The following SGK1 variants were observed in gnomAD, a reference collection of about 807,000 sequenced individuals.
SGK1 encodes serine/threonine-protein kinase Sgk1.
Under a neutral mutation model 64.2 loss-of-function variants are expected in SGK1, and 26 were observed. The observed-to-expected ratio is 0.40, with a 90% CI of 0.30 to 0.56. SGK1 has a LOEUF of 0.56. SGK1 is among the 20% of genes least tolerant of loss of function. The probability of loss-of-function intolerance (pLI) is 0.38; values close to 1 mark genes in which losing one functional copy is unlikely to be tolerated. For missense variants in SGK1, 519 were observed against 645.6 expected, an observed-to-expected ratio of 0.80 and a Z score of 2.12; for synonymous variants, 265 against 239.7, an observed-to-expected ratio of 1.11 and a Z score of -0.98.
rs145673064 is a variant in SGK1 at position 134,204,260 on chromosome 6, A to T, written c.361+3096T>A. Among the ~76,000 whole-genome samples the T allele has an allele frequency of 2.3e-3, 329 of 144,742 alleles. 4 individuals carry two copies. The highest frequency in any genetic ancestry group is 8.7e-3 in the African/African-American group (315 of 36,072). 95.0% of individuals were successfully genotyped at this position (144,742 alleles called of 152,430 possible). A position where few individuals can be genotyped will look rare whatever the true frequency, so the allele number is the denominator to read the frequency against. The stretch of plus-strand genomic sequence containing the variant: ...AATAAATAAATAAATAAATAAATAA[A>T]TAAATAATTACTCTAGACATAGATC... On this transcript the variant is annotated intron_variant, in intron 3 of 13. Transcript: ENST00000367858.
chr6:134,179,243 A>G (rs1775295807), intron 3 of SGK1, among the ~76,000 whole-genome samples: 1 of 152,156 alleles, frequency 6.6e-6, no homozygotes, highest in Non-Finnish European at 1.5e-5. Flanking sequence ...TCCATTGATA[A>G]CAAGGCAATA....
chr6:134,300,710 A>G (rs1248296132), intron 1 of SGK1, among the ~76,000 whole-genome samples: 1 of 139,356 alleles, frequency 7.2e-6, no homozygotes, highest in East Asian at 2.3e-4. Context: ...TCGGCTCACT[A>G]CAACCTCCAC....
chr6:134,257,677 A>C (rs1013499068), intron 2 of SGK1, among the ~76,000 whole-genome samples: 7 of 152,106 alleles, frequency 4.6e-5, no homozygotes, highest in Non-Finnish European at 1.0e-4. Context: ...CTATCATATG[A>C]TGTTTGAGAG....
chr6:134,175,887 G>A, intron 3 of SGK1: 17 of 1,222,114 alleles, frequency 1.4e-5, no homozygotes, highest in East Asian at 6.9e-5. Flanking sequence ...AGAGGAGGAA[G>A]GAAGGAAAGA....
At chr6:134,280,857 A>G (rs1222332837) in intron 1 of SGK1, among the ~76,000 whole-genome samples, 2 of 152,188 alleles carry the variant, frequency 1.3e-5, no homozygotes, top group African/African-American at 4.8e-5. Context: ...ACTTTAGGTC[A>G]GGAGTTCAAG....
intron 2 of SGK1, among the ~76,000 whole-genome samples, chr6:134,259,376 A>T (rs920785777): frequency 6.6e-6 from 1 of 152,066 alleles, no homozygotes; most frequent in Admixed American, 6.6e-5. Flanking sequence ...GCAGTGGCTC[A>T]GGCCTGTAAT....
rs1776933702 is a variant in SGK1, at chr6:134,271,075, GGGAGGCCGAGGCAGGCAGA to G, written c.70-8946_70-8928del. 1.4e-5 allele frequency among the ~76,000 whole-genome samples: 2 copies of G among 145,228 alleles called. 1 individual carries two copies. Among genetic ancestry groups the G allele is most frequent in the Non-Finnish European group, 3.1e-5 (2 of 65,148 alleles). On this transcript the variant is annotated intron_variant, in intron 1 of 13. Coordinates refer to ENST00000367858, the MANE Select transcript of SGK1 (RefSeq NM_001143676.3). ...CTCATGCCTGTCGTCCCAGTGCTTT[GGGAGGCCGAGGCAGGCAGA>G]TCACCTAAGGTCAGGAGTTTGAGAC...
rs1375042978 is a variant in SGK1 at position 134,207,523 on chromosome 6, G to T, written c.286-92C>A. ...ATAGTTCTAGAGAAAGGATTCCAAGGCTGAAACTAGTACATATGGCATGTC... is the reference window on the plus strand; with the variant it reads ...ATAGTTCTAGAGAAAGGATTCCAAGTCTGAAACTAGTACATATGGCATGTC... On this transcript the variant is annotated intron_variant, in intron 2 of 13. Transcript: ENST00000367858. The T allele has an allele frequency of 9.4e-6, 8 of 849,694 alleles. No individual in the cohort carries two copies. In the Admixed American group the frequency reaches 1.0e-4, roughly 11 times the overall value. 52.6% of individuals were successfully genotyped at this position (849,694 alleles called of 1,614,324 possible). A position where few individuals can be genotyped will look rare whatever the true frequency, so the allele number is the denominator to read the frequency against.
chr6:134,312,298 A>G (rs1777619848), intron 1 of SGK1, among the ~76,000 whole-genome samples: 1 of 152,234 alleles, frequency 6.6e-6, no homozygotes, highest in Non-Finnish European at 1.5e-5. Context: ...AGACATCGAA[A>G]GTTTCCCATA....
intron 1 of SGK1, among the ~76,000 whole-genome samples, chr6:134,269,320 C>T (rs1227951225): frequency 1.4e-5 from 2 of 146,416 alleles, no homozygotes; most frequent in African/African-American, 2.5e-5. Flanking sequence ...GCTTACTTGA[C>T]GCCTCAATAA....
chr6:134,212,726 TGG>T (rs1164306297), intron 2 of SGK1, among the ~76,000 whole-genome samples: 1 of 152,190 alleles, frequency 6.6e-6, no homozygotes, highest in East Asian at 1.9e-4. Flanking sequence ...TAACATACCA[TGG>T]GAGTAAAGAA....
chr6:134,250,710 C>A (rs1413275556), intron 2 of SGK1, among the ~76,000 whole-genome samples: 1 of 152,156 alleles, frequency 6.6e-6, no homozygotes, highest in Non-Finnish European at 1.5e-5. Context: ...CAAAGGTAAA[C>A]TTTAGGATTA....
At chr6:134,193,341 TATA>T (rs1243778288) in intron 3 of SGK1, among the ~76,000 whole-genome samples, 1 of 152,226 alleles carries the variant, frequency 6.6e-6, no homozygotes. Flanking sequence ...AGCTAATTGA[TATA>T]ATGAGGAATT....
intron 1 of SGK1, among the ~76,000 whole-genome samples, chr6:134,271,774 C>T (rs1776943147): frequency 6.8e-6 from 1 of 148,078 alleles, no homozygotes; most frequent in South Asian, 2.2e-4. Flanking sequence ...ACTCTTCACC[C>T]TCCAGTAGAC....
intron 3 of SGK1, among the ~76,000 whole-genome samples, chr6:134,198,209 C>T (rs918298699): frequency 2.6e-5 from 4 of 152,222 alleles, no homozygotes; most frequent in East Asian, 3.9e-4. Flanking sequence ...AGATAGCTAC[C>T]GCTTTGTAGT....
intron 2 of SGK1, among the ~76,000 whole-genome samples, chr6:134,249,913 G>A (rs573313676): frequency 5.3e-5 from 8 of 152,122 alleles, no homozygotes; most frequent in African/African-American, 1.7e-4. Flanking sequence ...TTTCTTTTTT[G>A]TTACCACCAA....
At chr6:134,175,116 G>A (rs969085821) in intron 3 of SGK1, among the ~76,000 whole-genome samples, 1 of 152,158 alleles carries the variant, frequency 6.6e-6, no homozygotes, top group African/African-American at 2.4e-5. Context: ...TCGGCTCCTG[G>A]GGCAGGAGAG....
intron 1 of SGK1, among the ~76,000 whole-genome samples, chr6:134,278,388 C>T (rs535690801): frequency 1.3e-5 from 2 of 152,280 alleles, no homozygotes; most frequent in South Asian, 2.1e-4. Context: ...ATTATTAGAG[C>T]GCTGTACATT....
chr6:134,305,434 G>A (rs111806189), intron 1 of SGK1, among the ~76,000 whole-genome samples: 129 of 150,568 alleles, frequency 8.6e-4, no homozygotes, highest in Middle Eastern at 3.4e-3. Flanking sequence ...TTAGCCCAGC[G>A]TGGTGGTGTG....
Sources: gnomAD v4.1 joint callset for allele counts (sites outside exome capture counted in the v4.1 genomes callset) on GRCh38, gnomAD v4.1.1 for gene constraint, MANE v1.5 for transcripts, NCBI Gene and HGNC (gene_info 2026-07-23, HGNC 2026-07-21) for gene names.